The following KPNB1 variants were observed in gnomAD, a reference collection of about 807,000 sequenced individuals.
KPNB1 encodes the protein importin subunit beta-1.
KPNB1 carries 7 observed loss-of-function variants against 113.0 expected under a neutral mutation model. The observed-to-expected ratio is 0.06, with a 90% confidence interval of 0.04 to 0.12. The LOEUF is 0.12. Among genes scored for constraint, KPNB1 ranks in the 10% least tolerant of loss-of-function variants. The pLI is 1.00. For synonymous variants in KPNB1, 363 were observed against 378.6 expected, an observed-to-expected ratio of 0.96 and a Z score of 0.48; for missense variants, 400 against 1,054.8, an observed-to-expected ratio of 0.38 and a Z score of 8.60.
chr17:47,674,010 A>G (rs1256273029), intron 14 of KPNB1, among the ~76,000 whole-genome samples: 1 of 152,162 alleles, frequency 6.6e-6, no homozygotes, highest in Non-Finnish European at 1.5e-5. Flanking sequence ...TTGGTTTTTC[A>G]TTAGGTTATT....
chr17:47,683,485 C>T lies in KPNB1; in HGVS notation c.*1081C>T, dbSNP rs951265651. The T allele has an allele frequency of 2.0e-5, 3 of 152,316 alleles. No homozygotes were observed. Among genetic ancestry groups the T allele is most frequent in the Non-Finnish European group, 2.9e-5 (2 of 67,974 alleles). The allele number at this position is 152,316 out of a possible 1,614,324, so 9.4% of individuals were successfully genotyped here. A position where few individuals can be genotyped will look rare whatever the true frequency, so the allele number is the denominator to read the frequency against. On this transcript the variant is annotated 3_prime_UTR_variant, in exon 22 of 22. Transcript: ENST00000290158. ...CTTGTATTGTGGCAGTCTGAACGCC[C>T]CCAGAAAATTGTGCCAAAGAGTTTA... is the stretch of plus-strand genomic sequence containing the variant.
intron 4 of KPNB1, among the ~76,000 whole-genome samples, 155 bp downstream of exon 4, chr17:47,657,215 G>A (rs1483168612): frequency 6.6e-6 from 1 of 152,186 alleles, no homozygotes; most frequent in Non-Finnish European, 1.5e-5. Flanking sequence ...TTAGGCCTGT[G>A]TCTTCACATT....
rs763978170 is a variant in KPNB1, at chr17:47,670,843, T to C, written c.1547+11T>C. ...AGAGACTACAGACAGGTAACTGATA[T>C]TTCACAGAAATGAGTGACGTCTTTG... On this transcript the variant is annotated intron_variant, in intron 12 of 21. Coordinates refer to ENST00000290158, the MANE Select transcript of KPNB1 (RefSeq NM_002265.6). 48 of 1,591,946 alleles carry C rather than the reference T, an allele frequency of 3.0e-5. No individual in the cohort carries two copies. The highest frequency in any genetic ancestry group is 3.7e-5 in the Non-Finnish European group (43 of 1,162,720).
chr17:47,651,202 G>A, intron 2 of KPNB1: 1 of 985,042 alleles, frequency 1.0e-6, no homozygotes, highest in Non-Finnish European at 1.2e-6. Flanking sequence ...TAAAATTTAA[G>A]GGGTCCGGAG....
chr17:47,670,576 T>G (rs2143147815), intron 11 of KPNB1, 126 bp from the exon 12 acceptor site: 441 of 864,664 alleles, frequency 5.1e-4, no homozygotes, highest in Non-Finnish European at 7.2e-4. Context: ...AATGCTGTCT[T>G]GAGATGACCT....
At chr17:47,658,685 A>C (rs2029984836) in intron 5 of KPNB1, 25 bp downstream of exon 5, 4 of 1,592,244 alleles carry the variant, frequency 2.5e-6, no homozygotes, top group Non-Finnish European at 3.4e-6. Flanking sequence ...AATAAGGTAT[A>C]GATTCAGACA....
chr17:47,673,815 A>G (rs1321287808), intron 14 of KPNB1: 6 of 469,804 alleles, frequency 1.3e-5, no homozygotes, highest in Non-Finnish European at 2.3e-5. Flanking sequence ...AATCAAACCA[A>G]CTTGACTTCT....
intron 17 of KPNB1, 136 bp from the exon 18 acceptor site, chr17:47,677,910 G>T: frequency 1.2e-6 from 1 of 838,662 alleles, no homozygotes; most frequent in East Asian, 2.6e-5. Context: ...AGGTGCAAAT[G>T]GGAAAGGTTT....
intron 9 of KPNB1, among the ~76,000 whole-genome samples, chr17:47,666,359 T>C (rs2030268728): frequency 6.7e-6 from 1 of 149,470 alleles, no homozygotes; most frequent in Non-Finnish European, 1.5e-5. Flanking sequence ...GGCCTATAGT[T>C]GCTATTTTTA....
At chr17:47,664,395 T>G in intron 8 of KPNB1, 126 bp downstream of exon 8, 1 of 641,668 alleles carries the variant, frequency 1.6e-6, no homozygotes, top group Non-Finnish European at 2.7e-6. Context: ...GCAGAGATTT[T>G]GATTTTTCTG....
chr17:47,682,078 C>T (rs1382494575), intron 21 of KPNB1, among the ~76,000 whole-genome samples: 1 of 152,202 alleles, frequency 6.6e-6, no homozygotes. Context: ...GTTCTCCCTC[C>T]TTGGCCTCCC....
rs1014474535 is a variant in KPNB1, at chr17:47,649,919, C to T, written c.-326C>T. ...CCTCCGCCTTCCTCCCTCCCTCGCT[C>T]CCTCCCTGCGCGCCGCCTCTCACTC... On this transcript the variant is annotated 5_prime_UTR_variant, in exon 1 of 22. Transcript: ENST00000290158. 4.7e-6 allele frequency: 6 copies of T among 1,273,086 alleles called. No individual in the cohort carries two copies. Among genetic ancestry groups the T allele is most frequent in the African/African-American group, 1.6e-5 (1 of 64,232 alleles). The allele number at this position is 1,273,086 out of a possible 1,614,324, so 78.9% of individuals were successfully genotyped here.
chr17:47,676,601 C>T, intron 16 of KPNB1, 110 bp downstream of exon 16: 1 of 771,052 alleles, frequency 1.3e-6, no homozygotes, highest in Non-Finnish European at 2.2e-6. Flanking sequence ...ATACATTGTC[C>T]TAAAAGGCAA....
intron 19 of KPNB1, chr17:47,678,629 A>T (rs1390188690): frequency 4.0e-6 from 2 of 504,786 alleles, no homozygotes; most frequent in Non-Finnish European, 7.2e-6. Context: ...TTGTTTTGAG[A>T]CGGAGTCTCA....
At chr17:47,676,837 C>G (rs2030628291) in intron 16 of KPNB1, among the ~76,000 whole-genome samples, 183 bp from the exon 17 acceptor site, 1 of 106,884 alleles carries the variant, frequency 9.4e-6, no homozygotes, top group African/African-American at 3.8e-5. Context: ...TTAACTTTAT[C>G]AGTGATCTCT....
chr17:47,673,240 CTGT>C, intron 13 of KPNB1, 75 bp downstream of exon 13: 1 of 1,377,826 alleles, frequency 7.3e-7, no homozygotes, highest in Non-Finnish European at 1.0e-6. Flanking sequence ...GTTTTCCAGA[CTGT>C]TCTGTCTTTT....
At chr17:47,672,243 G>A (rs954591151) in intron 12 of KPNB1, among the ~76,000 whole-genome samples, 2 of 151,602 alleles carry the variant, frequency 1.3e-5, no homozygotes, top group African/African-American at 4.8e-5. Flanking sequence ...TGACACCTCA[G>A]GTGATCTGCC....
intron 9 of KPNB1, 102 bp downstream of exon 9, chr17:47,665,260 TG>T: frequency 1.2e-6 from 1 of 852,518 alleles, no homozygotes; most frequent in Non-Finnish European, 1.9e-6. Flanking sequence ...ATCAACTATT[TG>T]ATGTTCTGTT....
intron 9 of KPNB1, among the ~76,000 whole-genome samples, chr17:47,667,744 G>T (rs1027937030): frequency 6.6e-6 from 1 of 150,498 alleles, no homozygotes; most frequent in African/African-American, 2.4e-5. Flanking sequence ...TTTTAGTAGA[G>T]ATGGGGTTTC....
Sources: allele counts gnomAD v4.1 joint callset (sites outside exome capture counted in the v4.1 genomes callset), GRCh38; gene constraint gnomAD v4.1.1; transcripts MANE v1.5; gene names NCBI Gene and HGNC (gene_info 2026-07-23, HGNC 2026-07-21).